The following SPIC variants were observed in gnomAD, a reference collection of about 807,000 sequenced individuals.
The protein encoded by SPIC is Spi-C transcription factor, also known as transcription factor Spi-C.
A neutral mutation model predicts 16.7 loss-of-function variants in SPIC; 9 were observed. The observed-to-expected ratio is 0.54, with a 90% CI of 0.33 to 0.94. The LOEUF is 0.94. Among genes scored for constraint, SPIC ranks in the 40% least tolerant of loss-of-function variants. SPIC has a pLI of 0.03. For synonymous variants in SPIC, 97 were observed against 102.9 expected (o/e 0.94, Z 0.35); for missense variants, 241 against 285.8 (o/e 0.84, Z 1.13).
At chr12:101,479,319 G>GAAAGAA (rs1555209056) in intron 3 of SPIC, among the ~76,000 whole-genome samples, 2 of 135,520 alleles carry the variant, frequency 1.5e-5, no homozygotes, top group Admixed American at 7.2e-5. Flanking sequence ...AAGAAAGAAA[G>GAAAGAA]AAAGAAAGAA....
Position 101,479,243 on chromosome 12 carries a change from AAAGAAAGAAAGAAG to A in SPIC, c.98-338_98-325del, listed in dbSNP as rs1565831190. ...AAGAAGGAAAGAAAGAAAGAAAGAA[AAAGAAAGAAAGAAG>A]GAAGGAAAGAAAGAAAGAAAGAAAG... On this transcript the variant is annotated intron_variant, in intron 3 of 5. Coordinates refer to ENST00000551346, the MANE Select transcript of SPIC (RefSeq NM_152323.3). Among the ~76,000 whole-genome samples the A allele has an allele frequency of 2.9e-3, 107 of 37,386 alleles. 8 individuals carry two copies. The highest frequency in any genetic ancestry group is 3.9e-3 in the African/African-American group (44 of 11,262). The allele number at this position is 37,386 out of a possible 152,430, so 24.5% of individuals were successfully genotyped here.
At chr12:101,481,432 C>A (rs1873192920) in intron 4 of SPIC, among the ~76,000 whole-genome samples, 1 of 152,110 alleles carries the variant, frequency 6.6e-6, no homozygotes, top group Non-Finnish European at 1.5e-5. Context: ...CAACCTCTGC[C>A]TCCTGGGTTC....
At chr12:101,478,799 T>G (rs1342465104) in intron 3 of SPIC, among the ~76,000 whole-genome samples, 1 of 152,174 alleles carries the variant, frequency 6.6e-6, no homozygotes, top group Non-Finnish European at 1.5e-5. Context: ...AAATATGTTA[T>G]GTATTAAGTT....
At position 101,486,832 on chromosome 12, in the gene SPIC, C is replaced by G. The variant is rs1873382286; in HGVS notation, c.*61C>G. 7 of 1,341,308 alleles carry G rather than the reference C, an allele frequency of 5.2e-6. No individual in the cohort carries two copies. In the South Asian group the frequency reaches 1.2e-4, roughly 23 times the overall value. The allele number at this position is 1,341,308 out of a possible 1,614,324, so 83.1% of individuals were successfully genotyped here. ...AAATCTCTACAAGTTTTAATGATTT[C>G]TCCCTCCCTCTCTTTTTTTCCTCCT... is the stretch of plus-strand genomic sequence containing the variant. On this transcript the variant is annotated 3_prime_UTR_variant, in exon 6 of 6. Coordinates refer to ENST00000551346, the MANE Select transcript of SPIC (RefSeq NM_152323.3).
chr12:101,483,901 T>A (rs1030209308), intron 5 of SPIC, among the ~76,000 whole-genome samples: 2 of 152,152 alleles, frequency 1.3e-5, no homozygotes, highest in African/African-American at 4.8e-5. Flanking sequence ...ATAATTTTTT[T>A]AAATGTGATT....
intron 5 of SPIC, among the ~76,000 whole-genome samples, chr12:101,483,114 G>T (rs1187399421): frequency 7.3e-6 from 1 of 136,164 alleles, no homozygotes; most frequent in Non-Finnish European, 1.6e-5. Context: ...CTGAGACAGA[G>T]TCTCACTCTG....
At chr12:101,479,427 A>C (rs555885401) in intron 3 of SPIC, among the ~76,000 whole-genome samples, 155 bp from the exon 4 acceptor site, 1 of 152,230 alleles carries the variant, frequency 6.6e-6, no homozygotes, top group Non-Finnish European at 1.5e-5. Flanking sequence ...CCATAATAGC[A>C]GCATAATGAG....
rs1681840646 is a variant in SPIC at position 101,486,910 on chromosome 12, A to T, written c.*139A>T. ...AAGCAAATACTAAAGAGGAAAAAAA[A>T]TTAACTTTATTGTTGCTTTTATCAA... is the stretch of plus-strand genomic sequence containing the variant. On this transcript the variant is annotated 3_prime_UTR_variant, in exon 6 of 6. Transcript: ENST00000551346. The T allele has an allele frequency of 4.4e-6, 3 of 676,954 alleles. No individual in the cohort carries two copies. In the South Asian group the frequency reaches 8.5e-5, roughly 19 times the overall value. 41.9% of individuals were successfully genotyped at this position (676,954 alleles called of 1,614,324 possible). A position where few individuals can be genotyped will look rare whatever the true frequency, so the allele number is the denominator to read the frequency against.
At chr12:101,482,355 C>T (rs537903761) in intron 4 of SPIC, among the ~76,000 whole-genome samples, 26 of 152,172 alleles carry the variant, frequency 1.7e-4, no homozygotes, top group African/African-American at 6.0e-4. Context: ...CAGGCATGAG[C>T]CACCGTGCTC....
chr12:101,481,904 C>T (rs181779931), intron 4 of SPIC, among the ~76,000 whole-genome samples: 2,084 of 143,482 alleles, frequency 0.015, 24 homozygotes, highest in South Asian at 0.03. Flanking sequence ...CCGCCCGCCT[C>T]GGCCTCCCAA....
chr12:101,479,838 A>C (rs1363220541), intron 4 of SPIC, 144 bp downstream of exon 4: 4 of 490,632 alleles, frequency 8.2e-6, no homozygotes, highest in South Asian at 2.4e-5. Flanking sequence ...TTTTTTTGAG[A>C]TGGAGTCTGG....
At chr12:101,482,607 G>T (rs139360998) in intron 4 of SPIC, among the ~76,000 whole-genome samples, 185 bp from the exon 5 acceptor site, 26 of 152,142 alleles carry the variant, frequency 1.7e-4, no homozygotes, top group Admixed American at 7.2e-4. Flanking sequence ...TCTGTCCCCT[G>T]GTCCTCTCCT....
In SPIC at chr12:101,486,697, A is replaced by C; in HGVS notation, c.673A>C (p.Ser225Arg). Residue 225 changes from serine to arginine, a missense_variant, in exon 6 of 6, where the codon AGT becomes CGT. Physicochemically the swap from Ser to Arg is moderately radical, Grantham distance 110. Transcript: ENST00000551346. Reference sequence around the variant, plus strand: ...TGTTCAACCTGATCAAGAATATCTCAGTTTAAATAACTGGAATGCAAATTA... The same window carrying C: ...TGTTCAACCTGATCAAGAATATCTCCGTTTAAATAACTGGAATGCAAATTA... The part of the protein sequence containing the change: ...QCVQPDQEYL[S>R]LNNWNANYNY... 1.2e-6 allele frequency: 2 copies of C among 1,608,334 alleles called. No individual in the cohort carries two copies. Among genetic ancestry groups the C allele is most frequent in the Middle Eastern group, 1.7e-4 (1 of 6,038 alleles).
chr12:101,486,039 G>A (rs1286374487), intron 5 of SPIC, among the ~76,000 whole-genome samples: 1 of 152,192 alleles, frequency 6.6e-6, no homozygotes, highest in East Asian at 1.9e-4. Context: ...GACCTCAAGT[G>A]ATCCGCCCTC....
chr12:101,477,477 G>A, intron 2 of SPIC, 81 bp from the exon 3 acceptor site: 11 of 1,328,180 alleles, frequency 8.3e-6, no homozygotes, highest in Non-Finnish European at 1.2e-5. Context: ...CCCTCCTTTA[G>A]ACTAAATACT....
intron 4 of SPIC, among the ~76,000 whole-genome samples, chr12:101,481,757 A>G (rs1278201297): frequency 4.7e-5 from 7 of 147,718 alleles, no homozygotes; most frequent in Non-Finnish European, 9.0e-5. Context: ...CAGGTGATCC[A>G]CCCACCTCGG....
Position 101,483,973 on chromosome 12 carries a change from A to ATTTATT in SPIC, c.319+1087_319+1092dup, listed in dbSNP as rs1441200584. 3.3e-5 allele frequency among the ~76,000 whole-genome samples: 5 copies of ATTTATT among 151,564 alleles called. No homozygotes were observed. In the East Asian group the frequency reaches 9.7e-4, roughly 29 times the overall value. On this transcript the variant is annotated intron_variant, in intron 5 of 5. Transcript: ENST00000551346. ...ACTCCCTCACCAATACATTTTATTT[A>ATTTATT]TTTATTTTTATTTTTATTTATTCAT...
At chr12:101,486,263 T>C in intron 5 of SPIC, 81 bp from the exon 6 acceptor site, 4 of 1,342,040 alleles carry the variant, frequency 3.0e-6, no homozygotes, top group Non-Finnish European at 4.1e-6. Flanking sequence ...TTTAATTCAG[T>C]AGTTGCTCAA....
chr12:101,477,716 A>G (rs2121241037), intron 3 of SPIC, 65 bp downstream of exon 3: 3 of 1,374,304 alleles, frequency 2.2e-6, no homozygotes, highest in Admixed American at 1.7e-5. Context: ...ACATACACAT[A>G]TAAGAATAAT....
Sources: allele counts gnomAD v4.1 joint callset (sites outside exome capture counted in the v4.1 genomes callset), GRCh38; gene constraint gnomAD v4.1.1; transcripts MANE v1.5; gene names NCBI Gene and HGNC (gene_info 2026-07-23, HGNC 2026-07-21).